DLG2: variants seen among roughly 807,000 people sequenced by gnomAD.
The protein encoded by DLG2 is disks large homolog 2.
DLG2 carries 45 observed loss-of-function variants against 132.5 expected under a neutral mutation model. The ratio of observed to expected loss-of-function variants is 0.34; its 90% CI spans 0.27 to 0.44. The LOEUF is 0.44. DLG2 is among the 20% of genes least tolerant of loss of function. The probability of loss-of-function intolerance (pLI) is 1.00; values close to 1 mark genes in which losing one functional copy is unlikely to be tolerated. For missense variants in DLG2, 1,045 were observed against 1,196.9 expected (o/e 0.87, Z 1.87); for synonymous variants, 424 against 419.6 (o/e 1.01, Z -0.13).
At chr11:85,427,711 G>C (rs1245027102) in intron 3 of DLG2, among the ~76,000 whole-genome samples, 1 of 152,202 alleles carries the variant, frequency 6.6e-6, no homozygotes, top group African/African-American at 2.4e-5. Context: ...GGAAGAAACT[G>C]CATCAACTAA....
At chr11:85,525,123 C>T (rs2074648917) in intron 3 of DLG2, 1 of 151,748 alleles carries the variant, frequency 6.6e-6, no homozygotes, top group Admixed American at 6.6e-5. Context: ...TAAATTTTAC[C>T]TAAAAAATAG....
chr11:84,459,908 G>A (rs533684672), intron 7 of DLG2, among the ~76,000 whole-genome samples: 1 of 150,610 alleles, frequency 6.6e-6, no homozygotes, highest in Admixed American at 6.6e-5. Flanking sequence ...TAATGTTAAA[G>A]CATAATAGGT....
chr11:84,064,539 G>C (rs1479716152), intron 10 of DLG2, among the ~76,000 whole-genome samples: 7 of 152,200 alleles, frequency 4.6e-5, no homozygotes, highest in Admixed American at 2.6e-4. Context: ...CTGAAAATAG[G>C]GATAATGAGA....
At chr11:84,066,230 GAAAAA>G (rs1191998328) in intron 10 of DLG2, among the ~76,000 whole-genome samples, 1 of 151,854 alleles carries the variant, frequency 6.6e-6, no homozygotes, top group Non-Finnish European at 1.5e-5. Flanking sequence ...TTTAAAAAAA[GAAAAA>G]AATAATAAAT....
intron 7 of DLG2, among the ~76,000 whole-genome samples, chr11:84,350,083 C>T (rs966405082): frequency 3.3e-5 from 5 of 149,930 alleles, no homozygotes; most frequent in Non-Finnish European, 5.9e-5. Context: ...GAGGCTGAGG[C>T]AGGAGAATGG....
intron 7 of DLG2, among the ~76,000 whole-genome samples, chr11:84,304,613 C>T (rs964959212): frequency 2.6e-5 from 4 of 152,144 alleles, no homozygotes; most frequent in Admixed American, 2.0e-4. Context: ...CATTGCAGCA[C>T]AAAAACAGCT....
chr11:83,908,118 G>GTT (rs1186574253), intron 15 of DLG2, among the ~76,000 whole-genome samples: 1 of 152,160 alleles, frequency 6.6e-6, no homozygotes, highest in Non-Finnish European at 1.5e-5. Flanking sequence ...ACAGTAAAGT[G>GTT]TTAGAAGTTT....
At chr11:84,152,638 G>A (rs975047785) in intron 9 of DLG2, among the ~76,000 whole-genome samples, 4 of 151,948 alleles carry the variant, frequency 2.6e-5, no homozygotes, top group South Asian at 2.1e-4. Flanking sequence ...TGCCTGTCTC[G>A]GCCCCCCAAA....
chr11:84,468,744 G>C (rs556607367), intron 7 of DLG2, among the ~76,000 whole-genome samples: 1 of 151,740 alleles, frequency 6.6e-6, no homozygotes, highest in South Asian at 2.1e-4. Flanking sequence ...GTAGGTACTA[G>C]AATATTTGTA....
chr11:83,968,699 A>C (rs2154163902), intron 12 of DLG2, among the ~76,000 whole-genome samples: 1 of 152,326 alleles, frequency 6.6e-6, no homozygotes, highest in South Asian at 2.1e-4. Context: ...AGAGGTTAAG[A>C]AACTTGCCCC....
intron 6 of DLG2, among the ~76,000 whole-genome samples, chr11:84,774,195 A>C (rs1420317037): frequency 1.3e-5 from 2 of 152,172 alleles, no homozygotes; most frequent in Admixed American, 6.6e-5. Flanking sequence ...ATAGCCAAAA[A>C]TAAATAAAAT....
At chr11:85,520,492 A>G (rs1420975826) in intron 3 of DLG2, among the ~76,000 whole-genome samples, 3 of 146,976 alleles carry the variant, frequency 2.0e-5, no homozygotes, top group Non-Finnish European at 3.0e-5. Context: ...ACAGAAAAAA[A>G]TAGTCCTAAA....
intron 6 of DLG2, among the ~76,000 whole-genome samples, chr11:85,063,174 G>A (rs1170137621): frequency 6.6e-6 from 1 of 151,832 alleles, no homozygotes; most frequent in Non-Finnish European, 1.5e-5. Context: ...TCTCTTGGAA[G>A]TTGCCTTGAC....
intron 9 of DLG2, among the ~76,000 whole-genome samples, chr11:84,124,852 T>A (rs541819461): frequency 2.0e-5 from 3 of 149,408 alleles, no homozygotes; most frequent in Admixed American, 6.6e-5. Context: ...TTTCACTTTT[T>A]TTTTTTTTTT....
intron 6 of DLG2, among the ~76,000 whole-genome samples, chr11:85,038,720 T>C (rs1489575123): frequency 2.0e-5 from 3 of 152,000 alleles, no homozygotes; most frequent in Admixed American, 2.0e-4. Context: ...AAAACAACCA[T>C]GTGAAGAATT....
chr11:83,992,689 G>T (rs1545863), intron 11 of DLG2, among the ~76,000 whole-genome samples: 95,139 of 151,840 alleles, frequency 0.63, 32,772 homozygotes, highest in Non-Finnish European at 0.78. Flanking sequence ...TGGATATCAA[G>T]AAATATCCAA....
intron 15 of DLG2, among the ~76,000 whole-genome samples, chr11:83,889,634 A>T (rs2069071936): frequency 6.6e-6 from 1 of 152,186 alleles, no homozygotes; most frequent in African/African-American, 2.4e-5. Flanking sequence ...ACTATAAATC[A>T]TGCTGCTATA....
At chr11:83,999,743 G>C (rs778568197) in intron 11 of DLG2, among the ~76,000 whole-genome samples, 1 of 152,080 alleles carries the variant, frequency 6.6e-6, no homozygotes, top group South Asian at 2.1e-4. Context: ...GGAAATCACA[G>C]ATGCAAATAA....
intron 6 of DLG2, among the ~76,000 whole-genome samples, chr11:85,050,368 A>G (rs1023645022): frequency 2.0e-5 from 3 of 152,152 alleles, no homozygotes; most frequent in African/African-American, 7.2e-5. Flanking sequence ...TACTTGGCCT[A>G]AAGAACAAGA....
Sources: gnomAD v4.1 joint callset for allele counts (sites outside exome capture counted in the v4.1 genomes callset) on GRCh38, gnomAD v4.1.1 for gene constraint, MANE v1.5 for transcripts, NCBI Gene and HGNC (gene_info 2026-07-23, HGNC 2026-07-21) for gene names.